SORBS3: variants seen among roughly 807,000 people sequenced by gnomAD.
SORBS3 encodes sorbin and SH3 domain containing 3.
A neutral mutation model predicts 98.0 loss-of-function variants in SORBS3; 69 were observed. The observed-to-expected ratio is 0.70, with a 90% confidence interval of 0.58 to 0.86. The LOEUF (loss-of-function observed/expected upper bound fraction) is 0.86. Among genes scored for constraint, SORBS3 ranks in the 40% least tolerant of loss-of-function variants. The pLI is 0.00. For missense variants in SORBS3, 954 were observed against 908.5 expected, an observed-to-expected ratio of 1.05 and a Z score of -0.64; for synonymous variants, 394 against 355.4, an observed-to-expected ratio of 1.11 and a Z score of -1.22.
In SORBS3 at chr8:22,570,968, C is replaced by T. The variant is rs1042357269; in HGVS notation, c.1490C>T (p.Thr497Met). The T allele has an allele frequency of 1.9e-5, 30 of 1,613,232 alleles. No individual in the cohort carries two copies. Among genetic ancestry groups the T allele is most frequent in the East Asian group, 4.5e-5 (2 of 44,888 alleles). The change falls in exon 18 of 21, where the codon ACG (threonine) becomes ATG (methionine). Residue 497 changes from threonine to methionine, a missense_variant. Thr to Met is a moderately conservative substitution (Grantham distance 81). Coordinates refer to ENST00000240123, the MANE Select transcript of SORBS3 (RefSeq NM_005775.5). ...VNENWYEGRI[T>M]GTGRQGIFPA... ...GAGAACTGGTACGAGGGACGCATCA[C>T]GGGCACGGGGCGCCAAGGCATATTC...
chr8:22,549,940 T>A (rs1401190983), upstream of SORBS3: 1 of 976,960 alleles, frequency 1.0e-6, no homozygotes, highest in East Asian at 1.1e-4. Flanking sequence ...AGCTTGCTGC[T>A]GGTGAGGGGG....
intron 6 of SORBS3, 190 bp downstream of exon 6, chr8:22,561,563 T>G: frequency 1.5e-6 from 1 of 655,124 alleles, no homozygotes; most frequent in African/African-American, 1.8e-5. Flanking sequence ...AGCCTCAGCT[T>G]GCACGGGGAA....
intron 5 of SORBS3, among the ~76,000 whole-genome samples, chr8:22,559,828 A>C (rs1027638093): frequency 6.6e-6 from 1 of 152,204 alleles, no homozygotes; most frequent in Non-Finnish European, 1.5e-5. Flanking sequence ...CTAAAACTGC[A>C]GATGGAAATA....
At chr8:22,556,935 G>A in intron 4 of SORBS3, 27 bp downstream of exon 4, 1 of 1,609,000 alleles carries the variant, frequency 6.2e-7, no homozygotes, top group Non-Finnish European at 8.5e-7. Flanking sequence ...GGGCCACGGA[G>A]AGATGGGGCC....
chr8:22,562,784 T>C (rs1053435106), intron 7 of SORBS3, among the ~76,000 whole-genome samples: 1 of 152,216 alleles, frequency 6.6e-6, no homozygotes, highest in African/African-American at 2.4e-5. Flanking sequence ...GTTTTGCACA[T>C]AGCAAGCCTG....
At chr8:22,561,192 C>T (rs1396323543) in intron 5 of SORBS3, 143 bp from the exon 6 acceptor site, 6 of 763,330 alleles carry the variant, frequency 7.9e-6, no homozygotes, top group South Asian at 7.8e-5. Context: ...AATTCCTTCC[C>T]TCCCTTGGGA....
chr8:22,568,694 C>T (rs1173436274), intron 16 of SORBS3, among the ~76,000 whole-genome samples: 1 of 152,156 alleles, frequency 6.6e-6, no homozygotes, highest in African/African-American at 2.4e-5. Flanking sequence ...TTCTGGGCTC[C>T]GGCTGGGGTA....
In SORBS3 at chr8:22,569,768, T is replaced by A. The variant is rs565396272; in HGVS notation, c.1431+495T>A. 8.5e-5 allele frequency among the ~76,000 whole-genome samples: 13 copies of A among 152,198 alleles called. No homozygotes were observed. In the East Asian group the frequency reaches 2.5e-3, roughly 29 times the overall value. On this transcript the variant is annotated intron_variant, in intron 17 of 20. Coordinates refer to ENST00000240123, the MANE Select transcript of SORBS3 (RefSeq NM_005775.5). ...TTTTGCTTTTTTTTGAGACAGCATC[T>A]CACTATGTTGCCCGGGCTGACCTTG... is the stretch of plus-strand genomic sequence containing the variant.
chr8:22,562,137 G>A (rs1396813933), intron 7 of SORBS3, among the ~76,000 whole-genome samples: 3 of 152,242 alleles, frequency 2.0e-5, no homozygotes, highest in Non-Finnish European at 4.4e-5. Context: ...GTCAAGGGGG[G>A]AAGGGTAGGC....
At chr8:22,552,825 C>T (rs184822078) in intron 1 of SORBS3, among the ~76,000 whole-genome samples, 1 of 152,182 alleles carries the variant, frequency 6.6e-6, no homozygotes, top group African/African-American at 2.4e-5. Flanking sequence ...CTCCCCCCCG[C>T]AAGGGGAGGT....
intron 5 of SORBS3, 145 bp downstream of exon 5, chr8:22,558,337 T>C: frequency 1.3e-6 from 1 of 752,736 alleles, no homozygotes. Flanking sequence ...GTCCTGAAAA[T>C]AGGCAGTCCC....
chr8:22,571,634 C>T (rs749898009), intron 18 of SORBS3, 84 bp from the exon 19 acceptor site: 147 of 1,030,576 alleles, frequency 1.4e-4, no homozygotes, highest in Non-Finnish European at 2.0e-4. Flanking sequence ...ACTGGGAACG[C>T]CCATTTTGGG....
At chr8:22,573,395 G>A (rs1318692947) in intron 20 of SORBS3, 4 of 456,294 alleles carry the variant, frequency 8.8e-6, no homozygotes, top group Non-Finnish European at 4.4e-6. Context: ...CGCTTTGAGA[G>A]GAATGGGCGA....
In SORBS3 at chr8:22,561,316, G is replaced by C. The variant is rs1378811519; in HGVS notation, c.479-19G>C. The C allele has an allele frequency of 8.2e-6, 13 of 1,585,924 alleles. No individual in the cohort carries two copies. Among genetic ancestry groups the C allele is most frequent in the Non-Finnish European group, 9.5e-6 (11 of 1,163,530 alleles). ...GCTTTCTGCCCCGTCCCATGACCTGGTCCCTTCTGCTCCTGCAGACTTGCA... is the reference window on the plus strand; with the variant it reads ...GCTTTCTGCCCCGTCCCATGACCTGCTCCCTTCTGCTCCTGCAGACTTGCA... On this transcript the variant is annotated intron_variant, in intron 5 of 20. Transcript: ENST00000240123.
chr8:22,549,945 A>AG, upstream of SORBS3: 1 of 981,250 alleles, frequency 1.0e-6, no homozygotes, highest in Non-Finnish European at 1.2e-6. Context: ...GCTGCTGGTG[A>AG]GGGGGTATGG....
intron 7 of SORBS3, among the ~76,000 whole-genome samples, chr8:22,563,726 T>C (rs1436646788): frequency 6.6e-6 from 1 of 152,218 alleles, no homozygotes; most frequent in Non-Finnish European, 1.5e-5. Context: ...ATCATTTCTA[T>C]ATTACAGGTT....
At chr8:22,558,816 G>C (rs11781109) in intron 5 of SORBS3, among the ~76,000 whole-genome samples, 46,198 of 152,226 alleles carry the variant, frequency 0.3, 7,775 homozygotes, top group East Asian at 0.54. Context: ...ATTTGTAAGC[G>C]GTGTTTGATC....
intron 19 of SORBS3, 39 bp downstream of exon 19, chr8:22,571,860 G>C (rs2280889): frequency 0.096 from 136,989 of 1,434,128 alleles, 8,411 homozygotes; most frequent in Admixed American, 0.25. Context: ...GACGTGGGGG[G>C]GGTCACTGGC....
intron 5 of SORBS3, among the ~76,000 whole-genome samples, chr8:22,558,792 C>T (rs188671014): frequency 2.0e-5 from 3 of 152,184 alleles, no homozygotes; most frequent in Admixed American, 6.5e-5. Flanking sequence ...CACCCAGGAG[C>T]GGCCAGGAAG....
Sources: allele counts gnomAD v4.1 joint callset (sites outside exome capture counted in the v4.1 genomes callset), GRCh38; gene constraint gnomAD v4.1.1; transcripts MANE v1.5; gene names NCBI Gene and HGNC (gene_info 2026-07-23, HGNC 2026-07-21).